Variants in TAFA1 observed in about 807,000 individuals in gnomAD.
The protein encoded by TAFA1 is chemokine-like protein TAFA-1.
In TAFA1, 4 loss-of-function variants were observed where a neutral mutation model predicts 18.5. That is an observed-to-expected ratio of 0.22 (90% CI 0.11 to 0.49). TAFA1 has a LOEUF of 0.49. TAFA1 is among the 20% of genes least tolerant of loss of function. The pLI is 0.98. For synonymous variants in TAFA1, 56 were observed against 55.2 expected (o/e 1.01, Z -0.06); for missense variants, 147 against 169.0 (o/e 0.87, Z 0.72).
intron 3 of TAFA1, among the ~76,000 whole-genome samples, chr3:68,446,249 T>A (rs1304017988): frequency 1.3e-5 from 2 of 152,112 alleles, no homozygotes; most frequent in Non-Finnish European, 2.9e-5. Flanking sequence ...GCCTTCCTTA[T>A]TTATGCATTA....
At chr3:68,383,499 G>C (rs2070025335) in intron 2 of TAFA1, among the ~76,000 whole-genome samples, 1 of 152,056 alleles carries the variant, frequency 6.6e-6, no homozygotes, top group Non-Finnish European at 1.5e-5. Context: ...TTTTGTGTCT[G>C]TTGAACAAAC....
intron 2 of TAFA1, among the ~76,000 whole-genome samples, chr3:68,290,104 A>G (rs1355240526): frequency 1.3e-5 from 2 of 152,220 alleles, no homozygotes; most frequent in African/African-American, 4.8e-5. Flanking sequence ...AATTTGGCAT[A>G]TTTGATGTAA....
chr3:68,544,591 A>C lies in TAFA1; in HGVS notation c.*88A>C. The C allele has an allele frequency of 7.4e-7, 1 of 1,357,422 alleles. No individual in the cohort carries two copies. Among genetic ancestry groups the C allele is most frequent in the Admixed American group, 1.8e-5 (1 of 55,036 alleles). 84.1% of individuals were successfully genotyped at this position (1,357,422 alleles called of 1,614,324 possible). ...AACATCTCACATATATACAAGCCAA[A>C]TGGATTTCTTACTTGCACTTTGACT... On this transcript the variant is annotated 3_prime_UTR_variant, in exon 5 of 5. Transcript: ENST00000478136.
intron 2 of TAFA1, among the ~76,000 whole-genome samples, chr3:68,049,281 A>C (rs1411173832): frequency 6.6e-6 from 1 of 152,164 alleles, no homozygotes; most frequent in Non-Finnish European, 1.5e-5. Flanking sequence ...TCTATTGAAG[A>C]AAGGCTTTTC....
intron 2 of TAFA1, among the ~76,000 whole-genome samples, chr3:68,365,423 T>A (rs2069548159): frequency 6.6e-6 from 1 of 152,150 alleles, no homozygotes; most frequent in African/African-American, 2.4e-5. Context: ...AAGATATTTA[T>A]AGAACTTCCA....
chr3:68,109,916 C>G (rs2065244909), intron 2 of TAFA1, among the ~76,000 whole-genome samples: 1 of 152,048 alleles, frequency 6.6e-6, no homozygotes, highest in Non-Finnish European at 1.5e-5. Context: ...AACTGCAGAG[C>G]CTCATAATAT....
At chr3:68,493,263 C>T (rs1356391404) in intron 3 of TAFA1, among the ~76,000 whole-genome samples, 1 of 152,158 alleles carries the variant, frequency 6.6e-6, no homozygotes, top group Non-Finnish European at 1.5e-5. Context: ...GTATGTCTGG[C>T]TTATTTCACT....
At chr3:68,196,645 A>T (rs1334833612) in intron 2 of TAFA1, among the ~76,000 whole-genome samples, 1 of 151,662 alleles carries the variant, frequency 6.6e-6, no homozygotes, top group Non-Finnish European at 1.5e-5. Flanking sequence ...TTTCTGTGTT[A>T]TATTTCATTT....
At chr3:68,352,138 CTT>C (rs2106776688) in intron 2 of TAFA1, among the ~76,000 whole-genome samples, 1 of 152,078 alleles carries the variant, frequency 6.6e-6, no homozygotes, top group Non-Finnish European at 1.5e-5. Context: ...TAACCACCCT[CTT>C]GAGCACTTGT....
intron 2 of TAFA1, among the ~76,000 whole-genome samples, chr3:68,040,489 T>C (rs1274038944): frequency 6.6e-6 from 1 of 152,188 alleles, no homozygotes; most frequent in African/African-American, 2.4e-5. Context: ...AAACTCTGTG[T>C]CCAAGAAAGT....
At chr3:68,263,453 A>ACGCACG (rs576712147) in intron 2 of TAFA1, among the ~76,000 whole-genome samples, 1 of 150,236 alleles carries the variant, frequency 6.7e-6, no homozygotes, top group Admixed American at 6.7e-5. Context: ...ACATACACAC[A>ACGCACG]CACACACACA....
chr3:68,121,797 G>C (rs2065402988), intron 2 of TAFA1, among the ~76,000 whole-genome samples: 1 of 152,112 alleles, frequency 6.6e-6, no homozygotes, highest in Non-Finnish European at 1.5e-5. Flanking sequence ...AAAGAGGGGT[G>C]TCCATCCCTT....
At chr3:68,149,113 T>C (rs2065776904) in intron 2 of TAFA1, among the ~76,000 whole-genome samples, 1 of 152,196 alleles carries the variant, frequency 6.6e-6, no homozygotes, top group African/African-American at 2.4e-5. Flanking sequence ...GATGACCATA[T>C]GTAGTAAGCA....
At chr3:68,202,529 CTT>C (rs1228048044) in intron 2 of TAFA1, among the ~76,000 whole-genome samples, 4 of 151,670 alleles carry the variant, frequency 2.6e-5, no homozygotes, top group African/African-American at 9.7e-5. Context: ...ATACTAAAGA[CTT>C]ATTTTATAAC....
intron 2 of TAFA1, among the ~76,000 whole-genome samples, chr3:68,193,836 A>T (rs976018757): frequency 6.6e-6 from 1 of 151,748 alleles, no homozygotes; most frequent in African/African-American, 2.4e-5. Flanking sequence ...TGTGTAACAA[A>T]CAACCCTCAA....
At chr3:68,068,971 C>T (rs1451956677) in intron 2 of TAFA1, among the ~76,000 whole-genome samples, 1 of 152,172 alleles carries the variant, frequency 6.6e-6, no homozygotes, top group African/African-American at 2.4e-5. Context: ...CTGTGCTCTG[C>T]CCTTTGAGAG....
intron 3 of TAFA1, among the ~76,000 whole-genome samples, chr3:68,483,362 T>C (rs1001970215): frequency 1.3e-5 from 2 of 152,232 alleles, no homozygotes; most frequent in African/African-American, 2.4e-5. Flanking sequence ...ATAGACAATA[T>C]GTACCCGGAT....
At position 68,256,609 on chromosome 3, in the gene TAFA1, C is replaced by T. The variant is rs551645865; in HGVS notation, c.119-160671C>T. ...ATTATTTTGGGGTTTCTTAAATTCA[C>T]ATAGTCTTGTACATAGTTTAATGTA... is the stretch of plus-strand genomic sequence containing the variant. On this transcript the variant is annotated intron_variant, in intron 2 of 4. Coordinates refer to ENST00000478136, the MANE Select transcript of TAFA1 (RefSeq NM_213609.4). 1.2e-4 allele frequency among the ~76,000 whole-genome samples: 19 copies of T among 152,238 alleles called. No homozygotes were observed. The South Asian group carries it at 3.5e-3, about 28-fold the overall frequency.
intron 2 of TAFA1, among the ~76,000 whole-genome samples, chr3:68,333,615 C>A (rs539715402): frequency 2.0e-5 from 3 of 152,210 alleles, no homozygotes; most frequent in Admixed American, 1.3e-4. Flanking sequence ...ACCCCTGAAC[C>A]TAAAATAACA....
Sources: allele counts gnomAD v4.1 joint callset (sites outside exome capture counted in the v4.1 genomes callset), GRCh38; gene constraint gnomAD v4.1.1; transcripts MANE v1.5; gene names NCBI Gene and HGNC (gene_info 2026-07-23, HGNC 2026-07-21).